DRG1: variants seen among roughly 807,000 people sequenced by gnomAD.
DRG1 encodes developmentally-regulated GTP-binding protein 1.
In DRG1, 19 loss-of-function variants were observed where a neutral mutation model predicts 38.8. The ratio of observed to expected loss-of-function variants is 0.49; its 90% confidence interval spans 0.34 to 0.72. The LOEUF (loss-of-function observed/expected upper bound fraction) is 0.72. DRG1 is among the 30% of genes least tolerant of loss of function. The probability of loss-of-function intolerance (pLI) is 0.01; values close to 1 mark genes in which losing one functional copy is unlikely to be tolerated. For missense variants in DRG1, 299 were observed against 444.8 expected, an observed-to-expected ratio of 0.67 and a Z score of 2.95; for synonymous variants, 167 against 157.5, an observed-to-expected ratio of 1.06 and a Z score of -0.45.
intron 5 of DRG1, among the ~76,000 whole-genome samples, chr22:31,421,583 G>T (rs2050077246): frequency 6.6e-6 from 1 of 152,044 alleles, no homozygotes. Flanking sequence ...TGTGGGGTAG[G>T]CTGGGCATGG....
rs1434967500 is a variant in DRG1 at position 31,399,674 on chromosome 22, A to G, written c.-10A>G. 6.2e-7 allele frequency: 1 copy of G among 1,613,902 alleles called. No homozygotes were observed. The highest frequency in any genetic ancestry group is 8.5e-7 in the Non-Finnish European group (1 of 1,179,910). On this transcript the variant is annotated 5_prime_UTR_variant, in exon 1 of 9. Coordinates refer to ENST00000331457, the MANE Select transcript of DRG1 (RefSeq NM_004147.4). ...GGAGACAGTGTGGAGGCCACAGGGT[A>G]CTCGCCACGATGAGCAGCACCTTAG...
chr22:31,412,775 G>C (rs963118542), intron 4 of DRG1, among the ~76,000 whole-genome samples: 1 of 148,654 alleles, frequency 6.7e-6, no homozygotes, highest in Non-Finnish European at 1.5e-5. Flanking sequence ...CTGGAGCCTC[G>C]ACTCCCTGGA....
At chr22:31,420,847 CAATGTT>C (rs1427895425) in intron 5 of DRG1, among the ~76,000 whole-genome samples, 3 of 151,994 alleles carry the variant, frequency 2.0e-5, no homozygotes, top group Non-Finnish European at 2.9e-5. Context: ...GAATAGAAAA[CAATGTT>C]AATGAGTAAA....
At chr22:31,411,206 A>C in intron 4 of DRG1, 125 bp downstream of exon 4, 58 of 1,004,622 alleles carry the variant, frequency 5.8e-5, no homozygotes, top group East Asian at 1.3e-4. Context: ...CTGACTTCTC[A>C]TTTAAGTTGA....
intron 3 of DRG1, among the ~76,000 whole-genome samples, chr22:31,408,943 TG>T (rs917653128): frequency 2.0e-5 from 3 of 152,096 alleles, no homozygotes; most frequent in African/African-American, 7.2e-5. Flanking sequence ...ATAATTTTGC[TG>T]AGATGTAAAT....
intron 5 of DRG1, among the ~76,000 whole-genome samples, chr22:31,420,697 T>C (rs1251861750): frequency 3.3e-5 from 5 of 152,206 alleles, no homozygotes; most frequent in African/African-American, 1.2e-4. Flanking sequence ...ATAAAGTAGA[T>C]GGCCGCCAAT....
At position 31,421,325 on chromosome 22, in the gene DRG1, G is replaced by A. The variant is rs73160617; in HGVS notation, c.582+900G>A. ...TTTGGTAGAAACGGAGATTTGCCAT[G>A]TTGCCCAGGCTGGTCTTGAACTTTT... On this transcript the variant is annotated intron_variant, in intron 5 of 8. Coordinates refer to ENST00000331457, the MANE Select transcript of DRG1 (RefSeq NM_004147.4). The A allele has an allele frequency of 8.5e-3, 1,014 of 119,952 alleles. 7 individuals are homozygous for A. The highest frequency in any genetic ancestry group is 0.021 in the Middle Eastern group (4 of 194). 7.4% of individuals were successfully genotyped at this position (119,952 alleles called of 1,614,324 possible). A position where few individuals can be genotyped will look rare whatever the true frequency, so the allele number is the denominator to read the frequency against.
chr22:31,433,912 A>T lies in DRG1; in HGVS notation c.1045A>T (p.Lys349Ter). The change falls in exon 9 of 9, where the codon AAA (lysine) becomes TAA (stop). Residue 349 changes from lysine to a stop codon, truncating the protein, a stop_gained. Coordinates refer to ENST00000331457, the MANE Select transcript of DRG1 (RefSeq NM_004147.4). LOFTEE classifies it high-confidence loss of function. ...TCTCTCTGTGAAACACAATCCTCAG[A>T]AAGTGGGTAAAGACCATACGTTGGA... ...WGLSVKHNPQ[K>*]VGKDHTLEDE... 6.2e-7 allele frequency: 1 copy of T among 1,614,150 alleles called. No individual in the cohort carries two copies. The highest frequency in any genetic ancestry group is 1.3e-5 in the African/African-American group (1 of 75,058).
chr22:31,414,948 T>G (rs2050036271), intron 4 of DRG1, among the ~76,000 whole-genome samples: 1 of 151,966 alleles, frequency 6.6e-6, no homozygotes, highest in Non-Finnish European at 1.5e-5. Context: ...ACCCGCTAAT[T>G]TTTTACTTTT....
chr22:31,425,380 C>T (rs867603173), intron 6 of DRG1, among the ~76,000 whole-genome samples: 46 of 151,886 alleles, frequency 3.0e-4, no homozygotes, highest in African/African-American at 1.0e-3. Context: ...GCAGGCCAGG[C>T]TGTGTCTGTT....
intron 6 of DRG1, among the ~76,000 whole-genome samples, chr22:31,425,517 C>T (rs79284996): frequency 9.9e-5 from 15 of 151,532 alleles, no homozygotes; most frequent in African/African-American, 3.4e-4. Flanking sequence ...CACGGCTTAC[C>T]GCAGCCTTGA....
intron 4 of DRG1, among the ~76,000 whole-genome samples, chr22:31,417,072 AAATAAT>A (rs1487993442): frequency 2.0e-5 from 3 of 150,574 alleles, no homozygotes; most frequent in African/African-American, 4.9e-5. Context: ...TCAAAAAAAA[AAATAAT>A]AATAATAATA....
chr22:31,433,843 A>G (rs748590747), intron 8 of DRG1, 29 bp from the exon 9 acceptor site: 7 of 1,604,358 alleles, frequency 4.4e-6, no homozygotes, highest in African/African-American at 4.0e-5. Flanking sequence ...TATTATTTAC[A>G]CTGACTGTTC....
intron 4 of DRG1, among the ~76,000 whole-genome samples, chr22:31,414,256 A>G (rs1332660563): frequency 6.6e-6 from 1 of 152,150 alleles, no homozygotes; most frequent in African/African-American, 2.4e-5. Context: ...AATGTGTGGC[A>G]GTAATTTGCC....
chr22:31,431,262 C>T (rs377372425), intron 8 of DRG1, among the ~76,000 whole-genome samples: 1 of 152,008 alleles, frequency 6.6e-6, no homozygotes, highest in Non-Finnish European at 1.5e-5. Flanking sequence ...TCTCGATCTC[C>T]TGACCTCGTG....
At chr22:31,419,600 G>C (rs1282488013) in intron 4 of DRG1, among the ~76,000 whole-genome samples, 2 of 152,144 alleles carry the variant, frequency 1.3e-5, no homozygotes, top group African/African-American at 2.4e-5. Context: ...AGATTGAAAG[G>C]AGGCACAAAG....
chr22:31,416,611 C>T (rs766240303), intron 4 of DRG1, among the ~76,000 whole-genome samples: 5 of 151,940 alleles, frequency 3.3e-5, no homozygotes, highest in African/African-American at 7.3e-5. Flanking sequence ...AAAAATTAGC[C>T]AGGCATGGTG....
At position 31,433,364 on chromosome 22, in the gene DRG1, G is replaced by A. The variant is rs1036181159; in HGVS notation, c.1005-508G>A. On this transcript the variant is annotated intron_variant, in intron 8 of 8. Coordinates refer to ENST00000331457, the MANE Select transcript of DRG1 (RefSeq NM_004147.4). The stretch of plus-strand genomic sequence containing the variant: ...TGGCTCACTGCAACCTCCGCCTCCC[G>A]GGTTCAAGCCATTCTTCTGCCTCAG... 1.0e-4 allele frequency among the ~76,000 whole-genome samples: 15 copies of A among 147,712 alleles called. 1 individual carries two copies. Among genetic ancestry groups the A allele is most frequent in the Admixed American group, 7.7e-4 (11 of 14,322 alleles).
chr22:31,424,612 C>T (rs1198197329), intron 6 of DRG1, among the ~76,000 whole-genome samples: 1 of 148,970 alleles, frequency 6.7e-6, no homozygotes, highest in African/African-American at 2.5e-5. Flanking sequence ...GATTCTTCGG[C>T]CTCAGCCCCC....
Sources: gnomAD v4.1 joint callset for allele counts (sites outside exome capture counted in the v4.1 genomes callset) on GRCh38, gnomAD v4.1.1 for gene constraint, MANE v1.5 for transcripts, NCBI Gene and HGNC (gene_info 2026-07-23, HGNC 2026-07-21) for gene names.